The following CHEK1 variants were observed in gnomAD, a reference collection of about 807,000 sequenced individuals.
CHEK1 encodes serine/threonine-protein kinase Chk1.
A neutral mutation model predicts 60.2 loss-of-function variants in CHEK1; 32 were observed. That is an observed-to-expected ratio of 0.53 (90% confidence interval 0.40 to 0.71). CHEK1 has a LOEUF of 0.71. Among genes scored for constraint, CHEK1 ranks in the 30% least tolerant of loss-of-function variants. The pLI, the probability that CHEK1 is intolerant of heterozygous loss-of-function variation, is 0.00. For missense variants in CHEK1, 399 were observed against 564.6 expected (o/e 0.71, Z 2.97); for synonymous variants, 179 against 187.2 (o/e 0.96, Z 0.36).
chr11:125,678,443 A>G (rs1377361229), downstream of CHEK1: 13 of 943,954 alleles, frequency 1.4e-5, no homozygotes, highest in Non-Finnish European at 1.9e-5. Context: ...AGATGTTGGG[A>G]AAAATCAACT....
In CHEK1 at chr11:125,655,460, T is replaced by C. The variant is rs1185444197; in HGVS notation, c.*140T>C. On this transcript the variant is annotated 3_prime_UTR_variant, in exon 13 of 13. Transcript: ENST00000438015. ...TCACTTCCCTGTTTATCCAAACATC[T>C]TCCAATTTATTTTGTTTGTTCGGCA... The C allele has an allele frequency of 3.8e-6, 2 of 521,230 alleles. No individual in the cohort carries two copies. The highest frequency in any genetic ancestry group is 2.0e-5 in the African/African-American group (1 of 50,898). 32.3% of individuals were successfully genotyped at this position (521,230 alleles called of 1,614,324 possible). A position where few individuals can be genotyped will look rare whatever the true frequency, so the allele number is the denominator to read the frequency against.
chr11:125,627,896 A>T, intron 3 of CHEK1, 66 bp downstream of exon 3: 1 of 1,261,452 alleles, frequency 7.9e-7, no homozygotes, highest in Non-Finnish European at 1.1e-6. Context: ...AATCTTGGGC[A>T]TGCTATTTGG....
chr11:125,641,085 G>A lies in CHEK1; in HGVS notation c.815-2707G>A, dbSNP rs1396616013. 2.6e-5 allele frequency among the ~76,000 whole-genome samples: 4 copies of A among 152,106 alleles called. No homozygotes were observed. In the South Asian group the frequency reaches 6.2e-4, roughly 24 times the overall value. On this transcript the variant is annotated intron_variant, in intron 8 of 12. Coordinates refer to ENST00000438015, the MANE Select transcript of CHEK1 (RefSeq NM_001114122.3). ...CCCTTAGTAGCTGTTTTGGTTATTA[G>A]ATCGAAAGAACATATATAGGGTTTG...
At chr11:125,630,032 T>C (rs1024262254) in intron 5 of CHEK1, among the ~76,000 whole-genome samples, 2 of 151,972 alleles carry the variant, frequency 1.3e-5, no homozygotes, top group Admixed American at 6.6e-5. Flanking sequence ...CCAAGAATAG[T>C]TTAAAATAAT....
chr11:125,652,160 TCTG>T (rs1369258513), intron 11 of CHEK1, among the ~76,000 whole-genome samples: 1 of 152,228 alleles, frequency 6.6e-6, no homozygotes, highest in African/African-American at 2.4e-5. Context: ...TTTGGGCAAA[TCTG>T]CTGATCTCGC....
chr11:125,627,570 TG>T (rs749781115), intron 2 of CHEK1, 36 bp from the exon 3 acceptor site: 73 of 1,520,980 alleles, frequency 4.8e-5, no homozygotes, highest in Non-Finnish European at 6.2e-5. Context: ...TTAGAAGAAA[TG>T]GAATTCTGTA....
At chr11:125,660,777 A>G (rs1482729261), downstream of CHEK1, among the ~76,000 whole-genome samples, 3 of 151,272 alleles carry the variant, frequency 2.0e-5, no homozygotes, top group African/African-American at 4.9e-5. Flanking sequence ...AAAAGTTTGC[A>G]TGGCATAACT....
chr11:125,679,228 T>TTTTTTTTTTTTTTTTTTTTTTTTTTG (rs1454887323), downstream of CHEK1, among the ~76,000 whole-genome samples: 1 of 145,560 alleles, frequency 6.9e-6, no homozygotes, highest in African/African-American at 2.6e-5. Flanking sequence ...TTTTTTTTTT[T>TTTTTTTTTTTTTTTTTTTTTTTTTTG]TGTTTCAAAG....
chr11:125,672,471 T>G (rs1347028805), intron 13 of CHEK1: 3 of 1,168,186 alleles, frequency 2.6e-6, no homozygotes, highest in Non-Finnish European at 2.4e-6. Context: ...AGCATCCTAA[T>G]GCTCAGGCAG....
chr11:125,666,718 A>G (rs977962128), intron 13 of CHEK1, among the ~76,000 whole-genome samples: 7 of 152,142 alleles, frequency 4.6e-5, no homozygotes, highest in African/African-American at 1.4e-4. Context: ...TTCTCTCGCT[A>G]TATTGACTTC....
chr11:125,668,339 C>T lies in CHEK1; in HGVS notation c.*28-7589C>T, dbSNP rs571327136. On this transcript the variant is annotated intron_variant, in intron 13 of 13. Coordinates refer to the CHEK1 transcript ENST00000428830. Reference sequence around the variant, plus strand: ...CAGACCAGCTATTTTGTATAATTTCCCTAAATTTTGTTTTATCTCATGTTC... The same window carrying T: ...CAGACCAGCTATTTTGTATAATTTCTCTAAATTTTGTTTTATCTCATGTTC... 1.4e-4 allele frequency among the ~76,000 whole-genome samples: 22 copies of T among 152,072 alleles called. 1 individual carries two copies. Among genetic ancestry groups the T allele is most frequent in the African/African-American group, 5.3e-4 (22 of 41,464 alleles).
chr11:125,658,685 C>CTTTTTTT (rs67342073), downstream of CHEK1, among the ~76,000 whole-genome samples: 4 of 34,880 alleles, frequency 1.1e-4, no homozygotes, highest in Non-Finnish European at 1.5e-4. Flanking sequence ...ATGGCTTTTG[C>CTTTTTTT]TTTTTTTTTT....
Position 125,635,408 on chromosome 11 carries a change from TG to T in CHEK1, c.614-18del. On this transcript the variant is annotated intron_variant, in intron 6 of 12. Coordinates refer to ENST00000438015, the MANE Select transcript of CHEK1 (RefSeq NM_001114122.3). ...TTATAATAAGAACATTTAAAAAAAC[TG>T]GGACTTGCTTTGTTTTTAGAATTGC... 1 of 1,398,994 alleles carries T rather than the reference TG, an allele frequency of 7.1e-7. No individual in the cohort carries two copies. The highest frequency in any genetic ancestry group is 9.8e-7 in the Non-Finnish European group (1 of 1,021,348). The allele number at this position is 1,398,994 out of a possible 1,614,324, so 86.7% of individuals were successfully genotyped here. A position where few individuals can be genotyped will look rare whatever the true frequency, so the allele number is the denominator to read the frequency against.
chr11:125,640,303 A>T (rs1299486914), intron 8 of CHEK1, among the ~76,000 whole-genome samples: 1 of 152,160 alleles, frequency 6.6e-6, no homozygotes, highest in Non-Finnish European at 1.5e-5. Context: ...GCACTTTGGG[A>T]GGCCAAGGCG....
intron 10 of CHEK1, 61 bp downstream of exon 10, chr11:125,644,329 C>T (rs1466198649): frequency 8.6e-6 from 13 of 1,518,468 alleles, no homozygotes; most frequent in Non-Finnish European, 1.2e-5. Flanking sequence ...GTCTTAAAGT[C>T]CTTTTTTAAT....
In CHEK1 at chr11:125,638,574, C is replaced by T. The variant is rs3731427; in HGVS notation, c.814+1030C>T. 3.2e-4 allele frequency among the ~76,000 whole-genome samples: 48 copies of T among 152,280 alleles called. No individual in the cohort carries two copies. The South Asian group carries it at 1.0e-2, about 32-fold the overall frequency. On this transcript the variant is annotated intron_variant, in intron 8 of 12. Coordinates refer to ENST00000438015, the MANE Select transcript of CHEK1 (RefSeq NM_001114122.3). ...GCATGTTTCTTCCTCCTTGTCCTAA[C>T]TTAAAGTCCAATTCTCCCCTGAGGA...
At chr11:125,645,685 G>C (rs1384532220) in intron 11 of CHEK1, among the ~76,000 whole-genome samples, 1 of 152,160 alleles carries the variant, frequency 6.6e-6, no homozygotes. Context: ...AGGAGAACAA[G>C]TGTCAAAGCA....
downstream of CHEK1, among the ~76,000 whole-genome samples, chr11:125,659,217 T>C (rs1941970842): frequency 6.6e-6 from 1 of 152,210 alleles, no homozygotes; most frequent in Non-Finnish European, 1.5e-5. Context: ...AAATAAAGTT[T>C]AAACATAATA....
At chr11:125,660,850 A>G (rs1414752338), downstream of CHEK1, among the ~76,000 whole-genome samples, 1 of 151,852 alleles carries the variant, frequency 6.6e-6, no homozygotes, top group African/African-American at 2.4e-5. Flanking sequence ...ATCTTGGCTC[A>G]CTGCAACCTC....
Sources: gnomAD v4.1 joint callset for allele counts (sites outside exome capture counted in the v4.1 genomes callset) on GRCh38, gnomAD v4.1.1 for gene constraint, MANE v1.5 for transcripts, NCBI Gene and HGNC (gene_info 2026-07-23, HGNC 2026-07-21) for gene names.